Variants in CLTB observed in about 807,000 individuals in gnomAD.
CLTB encodes clathrin, light chain (Lcb).
Under a neutral mutation model 30.5 loss-of-function variants are expected in CLTB, and 10 were observed. That is an observed-to-expected ratio of 0.33 (90% confidence interval 0.20 to 0.56). CLTB has a LOEUF of 0.56. Among genes scored for constraint, CLTB ranks in the 20% least tolerant of loss-of-function variants. The pLI is 0.91. For missense variants in CLTB, 261 were observed against 308.3 expected (o/e 0.85, Z 1.15); for synonymous variants, 102 against 120.3 (o/e 0.85, Z 1.00).
chr5:176,405,853 G>T (rs148218406), intron 2 of CLTB: 1 of 151,370 alleles, frequency 6.6e-6, no homozygotes, highest in East Asian at 1.9e-4. Context: ...TCCTACTACC[G>T]GTGGGAAGTG....
chr5:176,406,726 A>G, intron 2 of CLTB: 3 of 1,280,820 alleles, frequency 2.3e-6, no homozygotes, highest in Non-Finnish European at 3.0e-6. Context: ...AAAGAGGAAG[A>G]AAGGAAGCAC....
At chr5:176,414,389 C>T (rs1703226073) in intron 1 of CLTB, among the ~76,000 whole-genome samples, 1 of 152,054 alleles carries the variant, frequency 6.6e-6, no homozygotes, top group Admixed American at 6.6e-5. Context: ...ATGCTTCTCA[C>T]CCCACATCCT....
chr5:176,396,489 T>C lies in CLTB; in HGVS notation c.508A>G (p.Ile170Val). Residue 170 changes from isoleucine (I) to valine (V), a missense_variant, in exon 5 of 6, where the codon ATC (isoleucine) becomes GTC (valine). Physicochemically the swap from Ile to Val is conservative, Grantham distance 29. Around this residue, in one of 3 missense-constraint regions of CLTB, gnomAD observed 123 missense variants for 157.0 expected, o/e 0.78. Coordinates refer to ENST00000310418, the MANE Select transcript of CLTB (RefSeq NM_007097.5). The stretch of plus-strand genomic sequence containing the variant: ...AAAACAGACACGTACACGTAGCCGA[T>C]GATATCAGCATCTGGCTGCTGGTAG... ...AFYQQPDADIIGYVASEEAFV... is the reference protein window; with the variant it reads ...AFYQQPDADIVGYVASEEAFV... 6.2e-7 allele frequency: 1 copy of C among 1,613,882 alleles called. No individual in the cohort carries two copies. The highest frequency in any genetic ancestry group is 8.5e-7 in the Non-Finnish European group (1 of 1,179,796).
chr5:176,404,870 T>A (rs1217735066), intron 2 of CLTB, among the ~76,000 whole-genome samples: 1 of 152,154 alleles, frequency 6.6e-6, no homozygotes, highest in African/African-American at 2.4e-5. Flanking sequence ...CTGGGCAGCC[T>A]CAGAACCCCC....
chr5:176,416,235 G>A lies in CLTB; in HGVS notation c.129C>T (p.Gly43=). Residue 43 remains glycine, a synonymous_variant, in exon 1 of 6, where the codon GGC becomes GGT. Coordinates refer to ENST00000310418, the MANE Select transcript of CLTB (RefSeq NM_007097.5). ...SEIAGIENDE[G]FGAPAGSHAA... ...CATGGCTGCCGGCAGGTGCCCCGAA[G>A]CCCTCGTCGTTCTCTATGCCTGCAA... is the stretch of plus-strand genomic sequence containing the variant. The A allele has an allele frequency of 6.3e-7, 1 of 1,599,758 alleles. No individual in the cohort carries two copies. The highest frequency in any genetic ancestry group is 8.5e-7 in the Non-Finnish European group (1 of 1,175,264).
intron 1 of CLTB, among the ~76,000 whole-genome samples, chr5:176,412,021 A>T (rs1757457479): frequency 6.6e-6 from 1 of 151,744 alleles, no homozygotes; most frequent in South Asian, 2.1e-4. Flanking sequence ...CTAAAAATAC[A>T]AAAAATTAGC....
Position 176,397,920 on chromosome 5 carries a change from C to A in CLTB, c.352+10G>T. 1 of 1,612,280 alleles carries A rather than the reference C, an allele frequency of 6.2e-7. No homozygotes were observed. Among genetic ancestry groups the A allele is most frequent in the South Asian group, 1.1e-5 (1 of 91,048 alleles). ...CCACCCAGCCAACCCCGCCTCAGCC[C>A]CGCCCTCACCCAGCTCTTGCAGCCG... On this transcript the variant is annotated intron_variant, in intron 3 of 5. Transcript: ENST00000310418.
At chr5:176,394,344 GTTTTCACGAGACCCCCT>G (rs1315789098) in intron 5 of CLTB, among the ~76,000 whole-genome samples, 1 of 152,196 alleles carries the variant, frequency 6.6e-6, no homozygotes, top group African/African-American at 2.4e-5. Context: ...CAGAATCAGG[GTTTTCACGAGACCCCCT>G]GGTAATTCAT....
intron 1 of CLTB, 45 bp downstream of exon 1, chr5:176,416,132 C>T (rs1389543344): frequency 1.4e-6 from 2 of 1,459,868 alleles, no homozygotes; most frequent in African/African-American, 1.5e-5. Flanking sequence ...CGGGGTCCCC[C>T]GGGTGCGCGC....
Position 176,416,268 on chromosome 5 carries a change from C to G in CLTB, c.96G>C (p.Glu32Asp). Residue 32 changes from glutamate (E) to aspartate (D), a missense_variant, in exon 1 of 6, where the codon GAG (glutamate) becomes GAC (aspartate). Around this residue, in one of 3 missense-constraint regions of CLTB, gnomAD observed 113 missense variants for 102.5 expected, o/e 1.10. Transcript: ENST00000310418. ...DPAAAFLAQQ[E>D]SEIAGIENDE... ...CGTTCTCTATGCCTGCAATCTCGCT[C>G]TCCTGCTGGGCCAGGAAGGCGGCCG... 2 of 1,605,774 alleles carry G rather than the reference C, an allele frequency of 1.2e-6. No individual in the cohort carries two copies. The highest frequency in any genetic ancestry group is 1.4e-5 in the African/African-American group (1 of 73,528).
chr5:176,411,728 C>G (rs1397964900), intron 1 of CLTB, among the ~76,000 whole-genome samples: 1 of 152,172 alleles, frequency 6.6e-6, no homozygotes, highest in East Asian at 1.9e-4. Flanking sequence ...ATAAGTACAT[C>G]TAACCCTGGA....
At chr5:176,407,558 C>T (rs764153181) in intron 2 of CLTB, 2 of 152,314 alleles carry the variant, frequency 1.3e-5, no homozygotes, top group African/African-American at 4.8e-5. Context: ...CCCACCTCAG[C>T]CTCCCACTGC....
At chr5:176,412,079 G>C (rs1486876273) in intron 1 of CLTB, among the ~76,000 whole-genome samples, 1 of 151,864 alleles carries the variant, frequency 6.6e-6, no homozygotes, top group African/African-American at 2.4e-5. Flanking sequence ...GGGAGGCTGA[G>C]GCAGGAGAAT....
At chr5:176,401,763 A>G (rs1374829261) in intron 2 of CLTB, 1 of 456,214 alleles carries the variant, frequency 2.2e-6, no homozygotes, top group Non-Finnish European at 4.4e-6. Context: ...AAACAGCGAC[A>G]CTGAACAATT....
chr5:176,412,508 T>G (rs375913735), intron 1 of CLTB, among the ~76,000 whole-genome samples: 2 of 152,274 alleles, frequency 1.3e-5, no homozygotes, highest in East Asian at 3.9e-4. Context: ...TCTGCAAGGC[T>G]CTCAGAAACT....
chr5:176,404,625 GT>G (rs1444107281), intron 2 of CLTB, among the ~76,000 whole-genome samples: 4 of 152,292 alleles, frequency 2.6e-5, no homozygotes, highest in African/African-American at 9.6e-5. Flanking sequence ...CAGTCCCAAG[GT>G]GCCAAGCCTG....
intron 2 of CLTB, among the ~76,000 whole-genome samples, chr5:176,404,982 G>A (rs1002735964): frequency 3.9e-5 from 6 of 152,158 alleles, no homozygotes; most frequent in African/African-American, 7.2e-5. Flanking sequence ...CAACTCGAGC[G>A]AGCTGTTAAA....
At position 176,410,758 on chromosome 5, in the gene CLTB, G is replaced by A. The variant is rs1231066044; in HGVS notation, c.188-455C>T. On this transcript the variant is annotated intron_variant, in intron 1 of 5. Transcript: ENST00000310418. The stretch of plus-strand genomic sequence containing the variant: ...CTGGATAAGGAAGAGAGGGGCCTAC[G>A]CGTCTCTGCCTGTCCCTGAGGCGCC... Among the ~76,000 whole-genome samples the A allele has an allele frequency of 4.2e-5, 5 of 117,894 alleles. No homozygotes were observed. In the Admixed American group the frequency reaches 4.4e-4, roughly 10 times the overall value. The allele number at this position is 117,894 out of a possible 152,430, so 77.3% of individuals were successfully genotyped here.
At chr5:176,399,941 C>T (rs1445051901) in intron 2 of CLTB, among the ~76,000 whole-genome samples, 3 of 151,372 alleles carry the variant, frequency 2.0e-5, no homozygotes, top group Non-Finnish European at 4.4e-5. Flanking sequence ...CCTGTAATCC[C>T]AGCACTTTGG....
Sources: allele counts gnomAD v4.1 joint callset (sites outside exome capture counted in the v4.1 genomes callset), GRCh38; gene constraint gnomAD v4.1.1; regional missense constraint gnomAD v4.1.1; transcripts MANE v1.5; gene names NCBI Gene and HGNC (gene_info 2026-07-23, HGNC 2026-07-21).